The following TEX14 variants were observed in gnomAD, a reference collection of about 807,000 sequenced individuals.
TEX14 encodes the protein testis expressed 14, intercellular bridge forming factor.
In TEX14, 168 loss-of-function variants were observed where a neutral mutation model predicts 178.6. The ratio of observed to expected loss-of-function variants is 0.94; its 90% CI spans 0.83 to 1.07. The LOEUF is 1.07. Among genes scored for constraint, TEX14 ranks in the 50% least tolerant of loss-of-function variants. The pLI is 0.00. For synonymous variants in TEX14, 626 were observed against 634.1 expected (o/e 0.99, Z 0.19); for missense variants, 1,730 against 1,753.6 (o/e 0.99, Z 0.24).
At chr17:58,584,307 T>C (rs563212632) in intron 19 of TEX14, among the ~76,000 whole-genome samples, 193 bp downstream of exon 19, 1 of 152,310 alleles carries the variant, frequency 6.6e-6, no homozygotes, top group East Asian at 1.9e-4. Context: ...ATTCATTGAG[T>C]TGAACTGACT....
intron 2 of TEX14, among the ~76,000 whole-genome samples, chr17:58,634,968 C>T (rs1240470811): frequency 6.6e-6 from 1 of 151,960 alleles, no homozygotes; most frequent in Non-Finnish European, 1.5e-5. Flanking sequence ...TCCACCTTTA[C>T]TAAAACTACA....
chr17:58,691,559 C>A (rs1196159078), intron 1 of TEX14, among the ~76,000 whole-genome samples: 1 of 149,548 alleles, frequency 6.7e-6, no homozygotes, highest in African/African-American at 2.5e-5. Context: ...CCCAGGTACT[C>A]AAGAGGCTGA....
chr17:58,594,265 G>C (rs1342631319), intron 14 of TEX14, among the ~76,000 whole-genome samples: 2 of 151,486 alleles, frequency 1.3e-5, no homozygotes, highest in Admixed American at 6.6e-5. Flanking sequence ...CCTCCTATAT[G>C]AATATGAAGA....
intron 16 of TEX14, 48 bp downstream of exon 16, chr17:58,587,848 C>T (rs1218016282): frequency 1.9e-6 from 2 of 1,055,982 alleles, no homozygotes; most frequent in Admixed American, 1.7e-5. Context: ...CCAGAACCCA[C>T]CCCCACCCCC....
At chr17:58,561,498 T>G in intron 29 of TEX14, 22 bp downstream of exon 29, 2 of 1,541,868 alleles carry the variant, frequency 1.3e-6, no homozygotes, top group Non-Finnish European at 1.8e-6. Flanking sequence ...AAGAAAAGGA[T>G]TCCCCTTTGG....
chr17:58,610,408 C>T (rs545862253), intron 10 of TEX14, among the ~76,000 whole-genome samples: 2 of 152,328 alleles, frequency 1.3e-5, no homozygotes, highest in African/African-American at 4.8e-5. Flanking sequence ...AGACTGGCCC[C>T]AAACCCCACT....
chr17:58,633,691 G>A (rs1168407993), intron 2 of TEX14, among the ~76,000 whole-genome samples: 3 of 152,194 alleles, frequency 2.0e-5, no homozygotes, highest in South Asian at 4.1e-4. Context: ...GCCGGGGGCC[G>A]GGCGCAGTGG....
At chr17:58,629,951 C>T (rs1438896188) in intron 3 of TEX14, among the ~76,000 whole-genome samples, 12 of 133,592 alleles carry the variant, frequency 9.0e-5, no homozygotes, top group South Asian at 2.3e-4. Flanking sequence ...TTTTGCTCTT[C>T]CCACCTCGGC....
Position 58,571,963 on chromosome 17 carries a change from G to GA in TEX14, c.3674dup (p.Leu1226ProfsTer5). The GA allele has an allele frequency of 6.2e-7, 1 of 1,614,156 alleles. No homozygotes were observed. Among genetic ancestry groups the GA allele is most frequent in the Non-Finnish European group, 8.5e-7 (1 of 1,180,030 alleles). Reference sequence around the variant, plus strand: ...AAGGGGGAGTTTCAGAGGAAGTAAGGAGAGAATCCAGTTTCTTTGCTCTCT... The same window carrying GA: ...AAGGGGGAGTTTCAGAGGAAGTAAGGAAGAGAATCCAGTTTCTTTGCTCTCT... On this transcript the variant is annotated frameshift_variant, in exon 24 of 32. Coordinates refer to ENST00000349033, the MANE Select transcript of TEX14 (RefSeq NM_031272.5). LOFTEE classifies it high-confidence loss of function.
chr17:58,678,688 C>T (rs566617810), intron 1 of TEX14, among the ~76,000 whole-genome samples: 1 of 151,802 alleles, frequency 6.6e-6, no homozygotes, highest in Non-Finnish European at 1.5e-5. Context: ...ATGGGGGAAA[C>T]GGGGAGGGAT....
intron 6 of TEX14, among the ~76,000 whole-genome samples, chr17:58,617,030 C>T (rs1410615887): frequency 6.6e-6 from 1 of 152,158 alleles, no homozygotes; most frequent in Non-Finnish European, 1.5e-5. Flanking sequence ...GCGGGTGGAC[C>T]GATTGAGTCC....
chr17:58,584,525 A>G lies in TEX14; in HGVS notation c.3146T>C (p.Leu1049Ser). The G allele has an allele frequency of 6.2e-7, 1 of 1,614,038 alleles. No homozygotes were observed. Among genetic ancestry groups the G allele is most frequent in the Middle Eastern group, 1.7e-4 (1 of 6,058 alleles). The stretch of plus-strand genomic sequence containing the variant: ...ACTGTAAGATTTCTCTACAGCCACC[A>G]ATGTGTCAGAACTTGCTTGGAAGGC... ...SEAFQASSDT[L>S]VAVEKSYSTS... The change falls in exon 19 of 32, where the codon TTG (leucine) becomes TCG (serine). Residue 1049 changes from leucine to serine, a missense_variant. Coordinates refer to ENST00000349033, the MANE Select transcript of TEX14 (RefSeq NM_031272.5).
intron 2 of TEX14, among the ~76,000 whole-genome samples, chr17:58,631,425 G>A (rs2046285520): frequency 6.6e-6 from 1 of 151,880 alleles, no homozygotes. Context: ...TGCACTCCAG[G>A]ACCACAGAAA....
rs112736617 is a variant in TEX14, at chr17:58,602,465, C to T, written c.1462G>A (p.Val488Ile). The T allele has an allele frequency of 6.1e-4, 991 of 1,613,956 alleles. 7 individuals carry two copies. The African/African-American group carries it at 0.011, about 19-fold the overall frequency. Residue 488 changes from valine (V) to isoleucine (I), a missense_variant, in exon 12 of 32, where the codon GTC becomes ATC. Physicochemically the swap from Val to Ile is conservative, Grantham distance 29. Around this residue, in one of 2 missense-constraint regions of TEX14, gnomAD observed 789 missense variants for 681.2 expected, o/e 1.16. Transcript: ENST00000349033. ...YYDIVKSGIH[V>I]KQKDRTMNLQ... is the part of the protein sequence containing the mutation. ...TTCATAGTTCGGTCTTTCTGCTTGA[C>T]GTGGATGCCTGACTTAACAATATCA...
chr17:58,579,596 C>T (rs2044761604), intron 20 of TEX14, 69 bp downstream of exon 20: 3 of 1,357,438 alleles, frequency 2.2e-6, no homozygotes, highest in Admixed American at 3.4e-5. Flanking sequence ...CAGCTCTAAA[C>T]ATCTGTGATC....
At chr17:58,591,661 T>TC (rs1388989267) in intron 15 of TEX14, among the ~76,000 whole-genome samples, 2 of 151,566 alleles carry the variant, frequency 1.3e-5, no homozygotes, top group Non-Finnish European at 2.9e-5. Context: ...AGTTTTTTTT[T>TC]CCAGGAGAAC....
rs200953075 is a variant in TEX14 at position 58,585,975 on chromosome 17, C to T, written c.2896G>A (p.Asp966Asn). The T allele has an allele frequency of 2.7e-5, 44 of 1,614,058 alleles. No homozygotes were observed. The African/African-American group carries it at 3.9e-4, about 14-fold the overall frequency. ...CTAATGGGGGGCTGCAGCAGGGCGTCGGGCTCATTTTCAGCCTCGCTCTCT... is the reference window on the plus strand; with the variant it reads ...CTAATGGGGGGCTGCAGCAGGGCGTTGGGCTCATTTTCAGCCTCGCTCTCT... ...TLESEAENEP[D>N]ALLQPPIRSP... The change falls in exon 18 of 32, where the codon GAC becomes AAC. Residue 966 changes from aspartate to asparagine, a missense_variant. Asp to Asn is a conservative substitution (Grantham distance 23). This residue lies in a region of TEX14 where 941 missense variants were observed against 1,072.4 expected (regional missense o/e 0.88). Transcript: ENST00000349033.
At chr17:58,628,540 A>C (rs591200) in intron 3 of TEX14, among the ~76,000 whole-genome samples, 1 of 151,942 alleles carries the variant, frequency 6.6e-6, no homozygotes, top group African/African-American at 2.4e-5. Flanking sequence ...GTGAAACCCC[A>C]TCTCTACTAA....
rs2044147725 is a variant in TEX14, at chr17:58,556,954, GCTT to G, written c.*54_*56del. The G allele has an allele frequency of 7.1e-7, 1 of 1,399,080 alleles. No individual in the cohort carries two copies. Among genetic ancestry groups the G allele is most frequent in the African/African-American group, 1.4e-5 (1 of 70,598 alleles). The allele number at this position is 1,399,080 out of a possible 1,614,324, so 86.7% of individuals were successfully genotyped here. A position where few individuals can be genotyped will look rare whatever the true frequency, so the allele number is the denominator to read the frequency against. ...ACTGAAGCAGAAAGAGAAGAAAGGA[GCTT>G]ACAACCAGGACACTCAAACTCAGGC... On this transcript the variant is annotated 3_prime_UTR_variant, in exon 32 of 32. Coordinates refer to ENST00000349033, the MANE Select transcript of TEX14 (RefSeq NM_031272.5).
Sources: gnomAD v4.1 joint callset for allele counts (sites outside exome capture counted in the v4.1 genomes callset) on GRCh38, gnomAD v4.1.1 for gene constraint, gnomAD v4.1.1 regional missense constraint, MANE v1.5 for transcripts, NCBI Gene and HGNC (gene_info 2026-07-23, HGNC 2026-07-21) for gene names.